The following LDLRAD3 variants were observed in gnomAD, a reference collection of about 807,000 sequenced individuals.
The protein encoded by LDLRAD3 is low density lipoprotein receptor class A domain containing 3.
In LDLRAD3, 20 loss-of-function variants were observed where a neutral mutation model predicts 29.4. The ratio of observed to expected loss-of-function variants is 0.68; its 90% confidence interval spans 0.48 to 0.99. LDLRAD3 has a LOEUF of 0.99. Ranked by LOEUF, LDLRAD3 falls within the 50% of genes least tolerant of loss-of-function variation. LDLRAD3 has a pLI of 0.00. For missense variants in LDLRAD3, 420 were observed against 454.3 expected (o/e 0.92, Z 0.69); for synonymous variants, 157 against 192.7 (o/e 0.81, Z 1.53).
At chr11:36,133,506 G>A (rs1005208670) in intron 4 of LDLRAD3, among the ~76,000 whole-genome samples, 57 of 150,470 alleles carry the variant, frequency 3.8e-4, no homozygotes, top group Non-Finnish European at 7.5e-4. Flanking sequence ...TTACAGGCAT[G>A]AGCCACCATG....
intron 2 of LDLRAD3, among the ~76,000 whole-genome samples, chr11:36,062,463 A>G (rs1188290546): frequency 6.6e-6 from 1 of 152,182 alleles, no homozygotes; most frequent in African/African-American, 2.4e-5. Context: ...TTGCCAAGGA[A>G]GAAGCCTTTA....
In LDLRAD3 at chr11:35,944,084, A is replaced by G. The variant is rs1851022023; in HGVS notation, c.-15A>G. ...GGCAGCAACGACGCCGGGCAGCGGG[A>G]GCGGCGGCCGCGCCATGTGGCTGCT... On this transcript the variant is annotated 5_prime_UTR_variant, in exon 1 of 6. Coordinates refer to ENST00000315571, the MANE Select transcript of LDLRAD3 (RefSeq NM_174902.4). The surrounding 1 kb of genome is among the most constrained non-coding windows in gnomAD (Gnocchi z 4.9). The G allele has an allele frequency of 1.9e-6, 2 of 1,075,462 alleles. No homozygotes were observed. The highest frequency in any genetic ancestry group is 1.2e-4 in the East Asian group (2 of 16,312). The allele number at this position is 1,075,462 out of a possible 1,614,324, so 66.6% of individuals were successfully genotyped here.
At chr11:36,145,819 A>G (rs991097144) in intron 4 of LDLRAD3, among the ~76,000 whole-genome samples, 5 of 150,602 alleles carry the variant, frequency 3.3e-5, no homozygotes, top group Non-Finnish European at 7.4e-5. Context: ...ATGCTGGTTA[A>G]GAGTCATCGC....
At chr11:36,108,422 A>C (rs2133284387) in intron 4 of LDLRAD3, among the ~76,000 whole-genome samples, 1 of 152,062 alleles carries the variant, frequency 6.6e-6, no homozygotes, top group Admixed American at 6.5e-5. Context: ...GGTAATAGGG[A>C]ACCAGACAAA....
intron 4 of LDLRAD3, among the ~76,000 whole-genome samples, chr11:36,126,232 A>G (rs554520757): frequency 6.3e-4 from 96 of 151,940 alleles, no homozygotes; most frequent in African/African-American, 2.1e-3. Context: ...CCGCCCCCTC[A>G]TCACCTATCT....
rs146974006 is a variant in LDLRAD3, at chr11:36,200,278, G to T, written c.455-26807G>T. 3.9e-3 allele frequency among the ~76,000 whole-genome samples: 589 copies of T among 152,242 alleles called. 4 individuals carry two copies. The highest frequency in any genetic ancestry group is 0.01 in the Middle Eastern group (3 of 294). On this transcript the variant is annotated intron_variant, in intron 4 of 5. Transcript: ENST00000315571. ...TCAAGGCCCGCCAATTCAGTTCCTA[G>T]TAAGGGCCCTCCTGGCTTATAGACA...
intron 4 of LDLRAD3, among the ~76,000 whole-genome samples, chr11:36,186,868 G>A (rs1433861702): frequency 2.6e-5 from 4 of 152,192 alleles, no homozygotes. Context: ...TACTCAAGAT[G>A]TGTGCATTTT....
At chr11:35,983,257 A>G (rs117411899) in intron 1 of LDLRAD3, among the ~76,000 whole-genome samples, 2,139 of 152,342 alleles carry the variant, frequency 0.014, 19 homozygotes, top group Non-Finnish European at 0.021. Context: ...TAAGGATCAT[A>G]TATCAACCCT....
intron 2 of LDLRAD3, among the ~76,000 whole-genome samples, chr11:36,062,712 C>T (rs1183195327): frequency 6.6e-6 from 1 of 152,156 alleles, no homozygotes; most frequent in Admixed American, 6.5e-5. Context: ...AGGGGCTTTT[C>T]CCCCATTTGC....
At chr11:35,971,734 C>T (rs989152171) in intron 1 of LDLRAD3, among the ~76,000 whole-genome samples, 10 of 152,140 alleles carry the variant, frequency 6.6e-5, no homozygotes, top group South Asian at 6.2e-4. Flanking sequence ...AGCCTCAGGG[C>T]GGAGAATGGA....
chr11:36,222,329 C>A (rs141667672), intron 4 of LDLRAD3, among the ~76,000 whole-genome samples: 1 of 152,122 alleles, frequency 6.6e-6, no homozygotes, highest in Non-Finnish European at 1.5e-5. Context: ...AGCCATCCCC[C>A]CTACTTTCAC....
chr11:36,065,724 T>A (rs1344581860), intron 2 of LDLRAD3, among the ~76,000 whole-genome samples: 1 of 152,242 alleles, frequency 6.6e-6, no homozygotes, highest in Non-Finnish European at 1.5e-5. Context: ...TGTATCTGAA[T>A]GGAAGTCTTC....
chr11:36,021,183 A>T (rs1376590403), intron 1 of LDLRAD3, among the ~76,000 whole-genome samples: 3 of 152,168 alleles, frequency 2.0e-5, no homozygotes, highest in Non-Finnish European at 4.4e-5. Flanking sequence ...GGGTGGATGG[A>T]GGATGTCGTT....
intron 4 of LDLRAD3, among the ~76,000 whole-genome samples, chr11:36,166,994 C>G (rs1590325217): frequency 6.6e-6 from 1 of 152,176 alleles, no homozygotes; most frequent in African/African-American, 2.4e-5. Context: ...ATAGTTTTTG[C>G]AGATGTAATC....
chr11:36,172,955 C>G (rs1370683882), intron 4 of LDLRAD3, among the ~76,000 whole-genome samples: 1 of 152,088 alleles, frequency 6.6e-6, no homozygotes, highest in Non-Finnish European at 1.5e-5. Flanking sequence ...TCTGTCCGTG[C>G]CTGGACTTTT....
intron 1 of LDLRAD3, among the ~76,000 whole-genome samples, chr11:35,975,798 G>T (rs1028329289): frequency 6.6e-6 from 1 of 151,684 alleles, no homozygotes; most frequent in African/African-American, 2.4e-5. Context: ...CTGAGCCAGA[G>T]AGCTGCCCAG....
intron 3 of LDLRAD3, among the ~76,000 whole-genome samples, chr11:36,090,651 A>G (rs2133265974): frequency 6.6e-6 from 1 of 152,172 alleles, no homozygotes; most frequent in African/African-American, 2.4e-5. Context: ...CCTTGCACTG[A>G]CTCTAGAGGG....
At chr11:36,154,319 C>T (rs1220367538) in intron 4 of LDLRAD3, among the ~76,000 whole-genome samples, 1 of 152,180 alleles carries the variant, frequency 6.6e-6, no homozygotes, top group Non-Finnish European at 1.5e-5. Flanking sequence ...TGAGCCAGGA[C>T]AGGTAAATGG....
intron 4 of LDLRAD3, among the ~76,000 whole-genome samples, chr11:36,144,504 C>G (rs1854140831): frequency 6.6e-6 from 1 of 151,642 alleles, no homozygotes; most frequent in East Asian, 2.0e-4. Context: ...GCCTGGCCGC[C>G]CATCGTCTGA....
Sources: allele counts gnomAD v4.1 joint callset (sites outside exome capture counted in the v4.1 genomes callset), GRCh38; gene constraint gnomAD v4.1.1; non-coding constraint Gnocchi (gnomAD v3.1); transcripts MANE v1.5; gene names NCBI Gene and HGNC (gene_info 2026-07-23, HGNC 2026-07-21).